The following ERP44 variants were observed in gnomAD, a reference collection of about 807,000 sequenced individuals.
The protein encoded by ERP44 is endoplasmic reticulum resident protein 44.
In ERP44, 25 loss-of-function variants were observed where a neutral mutation model predicts 53.4. The observed-to-expected ratio is 0.47, with a 90% CI of 0.34 to 0.65. The LOEUF (loss-of-function observed/expected upper bound fraction) is 0.65, where lower values mean the gene tolerates loss of function less well. ERP44 is among the 30% of genes least tolerant of loss of function. The probability of loss-of-function intolerance (pLI) is 0.01; values close to 1 mark genes in which losing one functional copy is unlikely to be tolerated. For synonymous variants in ERP44, 145 were observed against 161.2 expected, an observed-to-expected ratio of 0.90 and a Z score of 0.76; for missense variants, 338 against 493.2, an observed-to-expected ratio of 0.69 and a Z score of 2.98.
At chr9:99,986,158 CAAAT>C (rs1208228210) in intron 10 of ERP44, among the ~76,000 whole-genome samples, 5 of 152,162 alleles carry the variant, frequency 3.3e-5, no homozygotes, top group African/African-American at 9.6e-5. Context: ...ACTGGGTTAA[CAAAT>C]AAGAGCTTTT....
At chr9:100,045,430 A>G (rs762206711) in intron 4 of ERP44, among the ~76,000 whole-genome samples, 1 of 152,210 alleles carries the variant, frequency 6.6e-6, no homozygotes, top group African/African-American at 2.4e-5. Flanking sequence ...AACCTTCCAC[A>G]TAGCATTACA....
intron 1 of ERP44, among the ~76,000 whole-genome samples, chr9:100,063,543 AATAAAGTATGACTCCAGACC>A (rs1370893705): frequency 2.6e-5 from 4 of 152,296 alleles, no homozygotes; most frequent in Non-Finnish European, 4.4e-5. Flanking sequence ...GCTTAAGTAA[AATAAAGTATGACTCCAGACC>A]ATAAAGCTTT....
intron 4 of ERP44, among the ~76,000 whole-genome samples, chr9:100,047,695 T>C (rs1224351035): frequency 6.6e-6 from 1 of 152,160 alleles, no homozygotes; most frequent in East Asian, 1.9e-4. Context: ...GGATATAACA[T>C]CTAAAGCACA....
intron 1 of ERP44, among the ~76,000 whole-genome samples, chr9:100,086,633 A>G (rs1383625438): frequency 6.6e-6 from 1 of 152,218 alleles, no homozygotes; most frequent in African/African-American, 2.4e-5. Context: ...TATTATTCCC[A>G]CTTTTAGAAA....
intron 1 of ERP44, among the ~76,000 whole-genome samples, chr9:100,064,771 G>A (rs1302125724): frequency 6.6e-6 from 1 of 152,168 alleles, no homozygotes; most frequent in Non-Finnish European, 1.5e-5. Context: ...CTGACCCTGT[G>A]TAGGTCTAGG....
At chr9:100,074,630 T>C (rs981530556) in intron 1 of ERP44, among the ~76,000 whole-genome samples, 6 of 152,078 alleles carry the variant, frequency 3.9e-5, no homozygotes, top group African/African-American at 1.2e-4. Flanking sequence ...CTACCAACAA[T>C]TTATGCAGTG....
At chr9:100,021,046 A>G (rs1186709745) in intron 5 of ERP44, among the ~76,000 whole-genome samples, 1 of 152,194 alleles carries the variant, frequency 6.6e-6, no homozygotes, top group Non-Finnish European at 1.5e-5. Flanking sequence ...ATGTGTTAAA[A>G]CAATGTATCA....
rs1427912583 is a variant in ERP44 at position 99,982,729 on chromosome 9, T to G, written c.1120-16A>C. ...CTTGGGCTTGCTACAAAAGAAAGAA[T>G]AAAACATTTTTATACCAATATAGTT... On this transcript the variant is annotated splice_polypyrimidine_tract_variant and intron_variant, in intron 11 of 11. Transcript: ENST00000262455. 9 of 1,537,108 alleles carry G rather than the reference T, an allele frequency of 5.9e-6. No individual in the cohort carries two copies. Among genetic ancestry groups the G allele is most frequent in the Non-Finnish European group, 8.0e-6 (9 of 1,128,102 alleles).
At chr9:100,065,951 C>T (rs549773665) in intron 1 of ERP44, among the ~76,000 whole-genome samples, 145 of 152,314 alleles carry the variant, frequency 9.5e-4, no homozygotes, top group African/African-American at 3.4e-3. Flanking sequence ...ATTTAAAGCT[C>T]AATATCTTAA....
intron 4 of ERP44, among the ~76,000 whole-genome samples, chr9:100,042,946 G>A (rs1268613823): frequency 6.6e-6 from 1 of 151,898 alleles, no homozygotes; most frequent in East Asian, 1.9e-4. Flanking sequence ...GATGGTGAAT[G>A]GGTACAAAAA....
chr9:100,006,653 A>G lies in ERP44; in HGVS notation c.875-6T>C, dbSNP rs1157557990. ...ATGTAAAAAGTTTATTGTACCTTTAAGAAAAAAGAATTTTGAGAGGTAAAT... is the reference window on the plus strand; with the variant it reads ...ATGTAAAAAGTTTATTGTACCTTTAGGAAAAAAGAATTTTGAGAGGTAAAT... On this transcript the variant is annotated splice_polypyrimidine_tract_variant and splice_region_variant and intron_variant, in intron 9 of 11. Coordinates refer to ENST00000262455, the MANE Select transcript of ERP44 (RefSeq NM_015051.3). The G allele has an allele frequency of 1.9e-6, 3 of 1,557,274 alleles. No individual in the cohort carries two copies. Among genetic ancestry groups the G allele is most frequent in the Non-Finnish European group, 2.6e-6 (3 of 1,154,824 alleles).
At position 99,982,507 on chromosome 9, in the gene ERP44, A is replaced by C; in HGVS notation, c.*105T>G. 1 of 509,750 alleles carries C rather than the reference A, an allele frequency of 2.0e-6. No individual in the cohort carries two copies. 31.6% of individuals were successfully genotyped at this position (509,750 alleles called of 1,614,324 possible). On this transcript the variant is annotated 3_prime_UTR_variant, in exon 12 of 12. Coordinates refer to ENST00000262455, the MANE Select transcript of ERP44 (RefSeq NM_015051.3). ...AAAAACCCAAAATTTCTTTCTGTTT[A>C]TTCAAAATAAAAATACACATAGAAT...
chr9:100,033,125 G>C (rs1825810067), intron 4 of ERP44, among the ~76,000 whole-genome samples: 1 of 152,136 alleles, frequency 6.6e-6, no homozygotes, highest in African/African-American at 2.4e-5. Flanking sequence ...CTATTTGTAA[G>C]TATTCTTAAC....
At chr9:100,021,464 C>G (rs1830587853) in intron 5 of ERP44, among the ~76,000 whole-genome samples, 1 of 152,162 alleles carries the variant, frequency 6.6e-6, no homozygotes, top group African/African-American at 2.4e-5. Flanking sequence ...CTAAAAGAAT[C>G]CATGAAATGG....
Position 99,989,475 on chromosome 9 carries a change from C to T in ERP44, c.1017-4406G>A, listed in dbSNP as rs140389104. 1.2e-3 allele frequency among the ~76,000 whole-genome samples: 186 copies of T among 152,294 alleles called. 5 individuals carry two copies. The East Asian group carries it at 0.031, about 25-fold the overall frequency. ...ACCTGACTGTTAGTAGGAAAACTAA[C>T]AAACAGAAAGGAATAGCACCAACAT... On this transcript the variant is annotated intron_variant, in intron 10 of 11. Transcript: ENST00000262455.
chr9:100,073,728 T>TA (rs1463579048), intron 1 of ERP44, among the ~76,000 whole-genome samples: 1 of 152,258 alleles, frequency 6.6e-6, no homozygotes, highest in Non-Finnish European at 1.5e-5. Flanking sequence ...TAGGTGAGAC[T>TA]ACATATACTA....
At position 100,019,011 on chromosome 9, in the gene ERP44, C is replaced by G. The variant is rs1337813331; in HGVS notation, c.588-698G>C. Among the ~76,000 whole-genome samples, 4 of 152,336 alleles carry G rather than the reference C, an allele frequency of 2.6e-5. No individual in the cohort carries two copies. In the South Asian group the frequency reaches 8.3e-4, roughly 32 times the overall value. Reference sequence around the variant, plus strand: ...GAGTGAACAAAACTATCAAAACTCTCTCTCTCATGGAGTTTACATTTTGGT... The same window carrying G: ...GAGTGAACAAAACTATCAAAACTCTGTCTCTCATGGAGTTTACATTTTGGT... On this transcript the variant is annotated intron_variant, in intron 6 of 11. Coordinates refer to ENST00000262455, the MANE Select transcript of ERP44 (RefSeq NM_015051.3).
At chr9:100,037,761 T>C (rs1197529160) in intron 4 of ERP44, among the ~76,000 whole-genome samples, 2 of 152,238 alleles carry the variant, frequency 1.3e-5, no homozygotes, top group South Asian at 2.1e-4. Flanking sequence ...AACCTGCTGC[T>C]TTGAAAAGAA....
At chr9:100,011,698 C>T (rs1830478195) in intron 8 of ERP44, among the ~76,000 whole-genome samples, 1 of 152,062 alleles carries the variant, frequency 6.6e-6, no homozygotes. Context: ...CAAGATGCAT[C>T]TTAACAATAT....
Sources: allele counts gnomAD v4.1 joint callset (sites outside exome capture counted in the v4.1 genomes callset), GRCh38; gene constraint gnomAD v4.1.1; transcripts MANE v1.5; gene names NCBI Gene and HGNC (gene_info 2026-07-23, HGNC 2026-07-21).